TENM2: variants seen among roughly 807,000 people sequenced by gnomAD.
TENM2 encodes teneurin-2.
A neutral mutation model predicts 245.2 loss-of-function variants in TENM2; 52 were observed. The ratio of observed to expected loss-of-function variants is 0.21; its 90% CI spans 0.17 to 0.27. The LOEUF (loss-of-function observed/expected upper bound fraction) is 0.27, where lower values mean the gene tolerates loss of function less well. Ranked by LOEUF, TENM2 falls within the 10% of genes least tolerant of loss-of-function variation. The pLI, the probability that TENM2 is intolerant of heterozygous loss-of-function variation, is 1.00. For synonymous variants in TENM2, 1,363 were observed against 1,438.9 expected, an observed-to-expected ratio of 0.95 and a Z score of 1.19; for missense variants, 3,046 against 3,666.8, an observed-to-expected ratio of 0.83 and a Z score of 4.37.
At chr5:167,192,917 A>G in the TENM2 span, among the ~76,000 whole-genome samples, 2 of 152,060 alleles carry the variant, frequency 1.3e-5, no homozygotes, top group Non-Finnish European at 2.9e-5. Flanking sequence ...CAGGACCTAA[A>G]TACACACAAA....
At chr5:167,334,552 C>T (rs1195491315) in intron 1 of TENM2, among the ~76,000 whole-genome samples, 1 of 152,170 alleles carries the variant, frequency 6.6e-6, no homozygotes, top group Non-Finnish European at 1.5e-5. Flanking sequence ...AATTCTCATT[C>T]AATAGTGCAT....
intron 12 of TENM2, among the ~76,000 whole-genome samples, chr5:168,145,640 T>C (rs1198134739): frequency 2.6e-5 from 4 of 152,180 alleles, no homozygotes; most frequent in Admixed American, 6.5e-5. Flanking sequence ...GTTCTTTTGC[T>C]TAGGATTGAC....
At chr5:168,062,875 G>A (rs762892591) in intron 7 of TENM2, among the ~76,000 whole-genome samples, 1 of 152,192 alleles carries the variant, frequency 6.6e-6, no homozygotes. Context: ...GGGAATTGGG[G>A]CTAACTGCCA....
chr5:167,363,677 G>A (rs531345489), intron 1 of TENM2, among the ~76,000 whole-genome samples: 1 of 131,658 alleles, frequency 7.6e-6, no homozygotes, highest in Admixed American at 9.8e-5. Context: ...CTTGCAGTGA[G>A]ACGAGATTGG....
At chr5:167,139,962 A>G in the TENM2 span, among the ~76,000 whole-genome samples, 675 of 152,314 alleles carry the variant, frequency 4.4e-3, 7 homozygotes, top group African/African-American at 0.014. Context: ...TCAGTCTAGC[A>G]TTAGCATCAT....
At chr5:167,496,064 CTCTAAA>C (rs1768798291) in intron 2 of TENM2, among the ~76,000 whole-genome samples, 1 of 152,058 alleles carries the variant, frequency 6.6e-6, no homozygotes, top group African/African-American at 2.4e-5. Flanking sequence ...TGATCTTGAA[CTCTAAA>C]TCAATTGGAA....
chr5:167,137,468 A>G, the TENM2 span, among the ~76,000 whole-genome samples: 4 of 152,312 alleles, frequency 2.6e-5, no homozygotes, highest in African/African-American at 9.6e-5. Flanking sequence ...CATGTGCCAC[A>G]CTTAGGGAAT....
At chr5:167,135,177 T>C in the TENM2 span, among the ~76,000 whole-genome samples, 1 of 152,220 alleles carries the variant, frequency 6.6e-6, no homozygotes, top group Non-Finnish European at 1.5e-5. Context: ...ATTGTTGTTA[T>C]TTATTAATCT....
chr5:167,291,376 A>G (rs2127719848), intron 1 of TENM2, among the ~76,000 whole-genome samples: 1 of 152,352 alleles, frequency 6.6e-6, no homozygotes, highest in South Asian at 2.1e-4. Flanking sequence ...GTAATCTAAG[A>G]AAGCATCTGC....
the TENM2 span, among the ~76,000 whole-genome samples, chr5:167,173,029 A>C: frequency 6.6e-6 from 1 of 152,200 alleles, no homozygotes; most frequent in African/African-American, 2.4e-5. Flanking sequence ...CTCTGTATAC[A>C]AAAGGCACCT....
At chr5:167,553,634 T>G (rs879263942) in intron 2 of TENM2, among the ~76,000 whole-genome samples, 2 of 152,124 alleles carry the variant, frequency 1.3e-5, no homozygotes, top group Non-Finnish European at 2.9e-5. Context: ...GGGGCGGGGG[T>G]TGGAAAGGGC....
intron 2 of TENM2, among the ~76,000 whole-genome samples, chr5:167,872,022 GA>G (rs1772869555): frequency 6.6e-6 from 1 of 152,064 alleles, no homozygotes; most frequent in South Asian, 2.1e-4. Context: ...GGGCTGGCAT[GA>G]TGGTTCATGC....
the TENM2 span, among the ~76,000 whole-genome samples, chr5:166,990,462 C>T: frequency 3.4e-4 from 51 of 152,102 alleles, no homozygotes; most frequent in Non-Finnish European, 6.3e-4. Context: ...TAAAATAATC[C>T]GGCTGGCTGA....
intron 2 of TENM2, among the ~76,000 whole-genome samples, chr5:167,707,472 T>C (rs1211680741): frequency 1.3e-5 from 2 of 152,232 alleles, no homozygotes; most frequent in Non-Finnish European, 2.9e-5. Flanking sequence ...TTTATTGTCA[T>C]ATACATGGAA....
At chr5:167,857,727 GTAAT>G (rs1771223045) in intron 2 of TENM2, among the ~76,000 whole-genome samples, 1 of 152,182 alleles carries the variant, frequency 6.6e-6, no homozygotes, top group Non-Finnish European at 1.5e-5. Context: ...GGGGAGCAGA[GTAAT>G]TATTTTACAC....
At chr5:167,277,101 G>A in the TENM2 span, among the ~76,000 whole-genome samples, 1 of 151,828 alleles carries the variant, frequency 6.6e-6, no homozygotes, top group South Asian at 2.1e-4. Context: ...TCTGTTTTCA[G>A]TTTCATTGAT....
chr5:167,530,644 CG>C (rs1366789836), intron 2 of TENM2, among the ~76,000 whole-genome samples: 1 of 152,194 alleles, frequency 6.6e-6, no homozygotes, highest in Non-Finnish European at 1.5e-5. Context: ...CCTGTGAGCA[CG>C]GAGCCATCGG....
intron 2 of TENM2, among the ~76,000 whole-genome samples, chr5:167,547,850 A>T (rs1056820594): frequency 6.6e-6 from 1 of 152,220 alleles, no homozygotes; most frequent in Admixed American, 6.5e-5. Flanking sequence ...CTTCAATTTA[A>T]GGGACAAAGG....
intron 2 of TENM2, among the ~76,000 whole-genome samples, chr5:167,493,038 C>A (rs1272670029): frequency 6.6e-6 from 1 of 152,066 alleles, no homozygotes; most frequent in Non-Finnish European, 1.5e-5. Context: ...TTGTTAGGAA[C>A]CCTTCCTGCT....
Sources: gnomAD v4.1 joint callset for allele counts (sites outside exome capture counted in the v4.1 genomes callset) on GRCh38, gnomAD v4.1.1 for gene constraint, MANE v1.5 for transcripts, NCBI Gene and HGNC (gene_info 2026-07-23, HGNC 2026-07-21) for gene names.